The following CBL variants were observed in gnomAD, a reference collection of about 807,000 sequenced individuals.
CBL encodes E3 ubiquitin-protein ligase CBL.
A neutral mutation model predicts 96.9 loss-of-function variants in CBL; 45 were observed. That is an observed-to-expected ratio of 0.46 (90% CI 0.37 to 0.60). The LOEUF (loss-of-function observed/expected upper bound fraction) is 0.60. Among genes scored for constraint, CBL ranks in the 20% least tolerant of loss-of-function variants. The pLI is 0.00. For synonymous variants in CBL, 420 were observed against 426.8 expected, an observed-to-expected ratio of 0.98 and a Z score of 0.20; for missense variants, 1,024 against 1,143.5, an observed-to-expected ratio of 0.90 and a Z score of 1.51.
At chr11:119,280,446 A>G (rs1265076717) in intron 9 of CBL, among the ~76,000 whole-genome samples, 1 of 152,202 alleles carries the variant, frequency 6.6e-6, no homozygotes, top group Non-Finnish European at 1.5e-5. Flanking sequence ...ATTAAAGTTT[A>G]TCCCCCTTTT....
intron 2 of CBL, among the ~76,000 whole-genome samples, chr11:119,237,817 G>A (rs932524436): frequency 6.6e-6 from 1 of 152,098 alleles, no homozygotes; most frequent in Non-Finnish European, 1.5e-5. Flanking sequence ...ATCAAGAAGT[G>A]TGAGTTCCTC....
rs1430850513 is a variant in CBL at position 119,303,779 on chromosome 11, A to T, written c.*3998A>T. ...GCTCAGAGTTGCACAGTAGGGCATTAAATGTTTAAGCAAAGCATCTGCCCA... is the reference window on the plus strand; with the variant it reads ...GCTCAGAGTTGCACAGTAGGGCATTTAATGTTTAAGCAAAGCATCTGCCCA... On this transcript the variant is annotated 3_prime_UTR_variant, in exon 16 of 16. Coordinates refer to ENST00000264033, the MANE Select transcript of CBL (RefSeq NM_005188.4). 1 of 233,592 alleles carries T rather than the reference A, an allele frequency of 4.3e-6. No individual in the cohort carries two copies. Among genetic ancestry groups the T allele is most frequent in the Non-Finnish European group, 8.5e-6 (1 of 118,064 alleles). The allele number at this position is 233,592 out of a possible 1,614,324, so 14.5% of individuals were successfully genotyped here.
intron 6 of CBL, among the ~76,000 whole-genome samples, chr11:119,277,237 T>TCACACACACACACACACACACA (rs1478200397): frequency 6.9e-4 from 40 of 57,900 alleles, no homozygotes; most frequent in African/African-American, 3.9e-3. Context: ...TAAGAATCTG[T>TCACACACACACACACACACACA]CGCGCACACA....
At chr11:119,212,544 T>C (rs190277521) in intron 1 of CBL, among the ~76,000 whole-genome samples, 184 of 152,044 alleles carry the variant, frequency 1.2e-3, no homozygotes, top group Middle Eastern at 6.8e-3. Context: ...GAGAATCCCT[T>C]GAACCCGGGA....
At chr11:119,279,101 T>G (rs1480711135) in intron 9 of CBL, among the ~76,000 whole-genome samples, 1 of 152,128 alleles carries the variant, frequency 6.6e-6, no homozygotes, top group Non-Finnish European at 1.5e-5. Flanking sequence ...TATCTGTTGG[T>G]GGAGAATATG....
intron 12 of CBL, among the ~76,000 whole-genome samples, chr11:119,290,454 A>G (rs1950017774): frequency 6.6e-6 from 1 of 150,876 alleles, no homozygotes; most frequent in African/African-American, 2.4e-5. Flanking sequence ...GATTGAGACC[A>G]TCCTGGCTAA....
rs542217581 is a variant in CBL at position 119,242,704 on chromosome 11, A to G, written c.443+10009A>G. 8.7e-5 allele frequency among the ~76,000 whole-genome samples: 13 copies of G among 149,592 alleles called. No individual in the cohort carries two copies. In the East Asian group the frequency reaches 2.4e-3, roughly 27 times the overall value. On this transcript the variant is annotated intron_variant, in intron 2 of 15. Coordinates refer to ENST00000264033, the MANE Select transcript of CBL (RefSeq NM_005188.4). ...TGGGGAGGATCACTTGAGCCGCTGC[A>G]CTATAGCCTTGGTGACTGAATAAGG...
rs1949361179 is a variant in CBL, at chr11:119,216,443, C to T, written c.195+9831C>T. The stretch of plus-strand genomic sequence containing the variant: ...CTGGAGTGCAGTGGTGCAATCTCGG[C>T]TTACTGCAACCTCCGCCTCCCGGGT... On this transcript the variant is annotated intron_variant, in intron 1 of 15. Coordinates refer to ENST00000264033, the MANE Select transcript of CBL (RefSeq NM_005188.4). 1.3e-5 allele frequency among the ~76,000 whole-genome samples: 2 copies of T among 151,870 alleles called. 1 individual carries two copies.
Position 119,297,003 on chromosome 11 carries a change from C to G in CBL, c.2122C>G (p.Leu708Val), listed in dbSNP as rs1353164018. Residue 708 changes from leucine to valine, a missense_variant, in exon 13 of 16, where the codon CTA becomes GTA. Physicochemically the swap from Leu to Val is conservative, Grantham distance 32. Coordinates refer to ENST00000264033, the MANE Select transcript of CBL (RefSeq NM_005188.4). Reference protein sequence around the residue: ...TEYMTPSSRPLRPLDTSQSSR... With the variant: ...TEYMTPSSRPVRPLDTSQSSR... ...GTACATGACTCCCTCTTCCAGGCCT[C>G]TACGGCCTTTGGATACATCCCAGAG... 6.2e-7 allele frequency: 1 copy of G among 1,603,602 alleles called. No individual in the cohort carries two copies. The highest frequency in any genetic ancestry group is 8.5e-7 in the Non-Finnish European group (1 of 1,170,480).
At chr11:119,226,271 C>G (rs750109326) in intron 1 of CBL, among the ~76,000 whole-genome samples, 2 of 152,158 alleles carry the variant, frequency 1.3e-5, no homozygotes, top group Admixed American at 6.6e-5. Context: ...GTCCACTATT[C>G]TGTCTTTAGT....
chr11:119,295,437 T>C (rs2135318740), intron 12 of CBL, among the ~76,000 whole-genome samples: 1 of 152,048 alleles, frequency 6.6e-6, no homozygotes, highest in East Asian at 1.9e-4. Flanking sequence ...AAGAACAAAC[T>C]AGGGATGGGT....
rs1555226659 is a variant in CBL at position 119,232,500 on chromosome 11, A to G, written c.248A>G (p.Tyr83Cys). 3.1e-6 allele frequency: 5 copies of G among 1,614,082 alleles called. No individual in the cohort carries two copies. The highest frequency in any genetic ancestry group is 4.2e-6 in the Non-Finnish European group (5 of 1,179,940). ...CTGGCGCTAAAGAATAGCCCACCTT[A>G]TATCTTAGACCTGCTACCAGATACC... The part of the protein sequence containing the change: ...PKLALKNSPP[Y>C]ILDLLPDTYQ... Residue 83 changes from tyrosine (Y) to cysteine (C), a missense_variant, in exon 2 of 16, where the codon TAT becomes TGT. Coordinates refer to ENST00000264033, the MANE Select transcript of CBL (RefSeq NM_005188.4).
chr11:119,211,608 A>G (rs1228231460), intron 1 of CBL, among the ~76,000 whole-genome samples: 4 of 151,240 alleles, frequency 2.6e-5, no homozygotes, highest in East Asian at 2.0e-4. Flanking sequence ...GGTTCAAGCA[A>G]TTCTCTTGCC....
chr11:119,282,061 G>A (rs1321381444), intron 9 of CBL, among the ~76,000 whole-genome samples: 7 of 152,080 alleles, frequency 4.6e-5, no homozygotes, highest in African/African-American at 1.4e-4. Context: ...ATTGCGGCCG[G>A]GTGCGGTGGC....
intron 2 of CBL, among the ~76,000 whole-genome samples, chr11:119,251,099 A>G (rs1289998436): frequency 6.6e-6 from 1 of 152,136 alleles, no homozygotes; most frequent in Non-Finnish European, 1.5e-5. Flanking sequence ...TTCTGGTGCA[A>G]TTAATATTTA....
chr11:119,225,997 G>A (rs1423658834), intron 1 of CBL, among the ~76,000 whole-genome samples: 4 of 152,156 alleles, frequency 2.6e-5, no homozygotes, highest in Non-Finnish European at 5.9e-5. Flanking sequence ...CCAAAGTGCT[G>A]GGATTACAGG....
Position 119,302,040 on chromosome 11 carries a change from C to T in CBL, c.*2259C>T, listed in dbSNP as rs1015309440. Reference sequence around the variant, plus strand: ...CCTTTTCCATGCATCTAAATCTTCTCTGGAGATTATCTCCCTACTGTGTAG... The same window carrying T: ...CCTTTTCCATGCATCTAAATCTTCTTTGGAGATTATCTCCCTACTGTGTAG... On this transcript the variant is annotated 3_prime_UTR_variant, in exon 16 of 16. Coordinates refer to ENST00000264033, the MANE Select transcript of CBL (RefSeq NM_005188.4). 5 of 233,038 alleles carry T rather than the reference C, an allele frequency of 2.1e-5. No homozygotes were observed. Among genetic ancestry groups the T allele is most frequent in the African/African-American group, 1.1e-4 (5 of 45,338 alleles). 14.4% of individuals were successfully genotyped at this position (233,038 alleles called of 1,614,324 possible).
intron 1 of CBL, among the ~76,000 whole-genome samples, chr11:119,220,947 T>C (rs1555225959): frequency 6.6e-6 from 1 of 151,640 alleles, no homozygotes; most frequent in Non-Finnish European, 1.5e-5. Context: ...ATATGTTTGT[T>C]AAAAAAAAGT....
intron 1 of CBL, 148 bp from the exon 2 acceptor site, chr11:119,232,300 C>A: frequency 2.4e-6 from 2 of 819,622 alleles, no homozygotes; most frequent in Non-Finnish European, 3.9e-6. Flanking sequence ...TGCCTGTGGG[C>A]AATGGGGTTA....
Sources: allele counts gnomAD v4.1 joint callset (sites outside exome capture counted in the v4.1 genomes callset), GRCh38; gene constraint gnomAD v4.1.1; transcripts MANE v1.5; gene names NCBI Gene and HGNC (gene_info 2026-07-23, HGNC 2026-07-21).